PRKN: variants seen among roughly 807,000 people sequenced by gnomAD.
The protein encoded by PRKN is parkin RBR E3 ubiquitin protein ligase.
A neutral mutation model predicts 59.5 loss-of-function variants in PRKN; 56 were observed. That is an observed-to-expected ratio of 0.94 (90% CI 0.76 to 1.18). The LOEUF is 1.18. PRKN is among the 50% of genes most tolerant of loss of function. The pLI is 0.00. For synonymous variants in PRKN, 250 were observed against 222.1 expected (o/e 1.13, Z -1.12); for missense variants, 657 against 596.4 (o/e 1.10, Z -1.06).
At chr6:161,804,777 A>G (rs970313069) in intron 6 of PRKN, among the ~76,000 whole-genome samples, 1 of 152,240 alleles carries the variant, frequency 6.6e-6, no homozygotes, top group African/African-American at 2.4e-5. Context: ...ATCTTCCAGC[A>G]CTTGGAAACA....
chr6:162,339,453 G>T (rs571061419), intron 2 of PRKN, among the ~76,000 whole-genome samples: 4 of 58,152 alleles, frequency 6.9e-5, no homozygotes, highest in Non-Finnish European at 7.2e-5. Context: ...TCTGCCCGGC[G>T]GCCCCTACTG....
chr6:161,574,494 G>T (rs1397225476), intron 7 of PRKN, among the ~76,000 whole-genome samples: 1 of 152,014 alleles, frequency 6.6e-6, no homozygotes, highest in Non-Finnish European at 1.5e-5. Flanking sequence ...ATTACTTTAC[G>T]TAATGAGTAT....
intron 1 of PRKN, among the ~76,000 whole-genome samples, chr6:162,564,627 C>A (rs1445940503): frequency 3.9e-5 from 6 of 152,102 alleles, no homozygotes; most frequent in Non-Finnish European, 7.4e-5. Flanking sequence ...AAATAACATA[C>A]AATGGAGCTC....
intron 1 of PRKN, among the ~76,000 whole-genome samples, chr6:162,488,118 T>TA (rs1792641073): frequency 6.6e-6 from 1 of 150,828 alleles, no homozygotes. Context: ...CTTGTCCTGA[T>TA]AAAATCCAGA....
chr6:162,227,588 A>AT (rs1778237943), intron 3 of PRKN, among the ~76,000 whole-genome samples: 1 of 152,128 alleles, frequency 6.6e-6, no homozygotes, highest in South Asian at 2.1e-4. Flanking sequence ...TATGGTGTTG[A>AT]TTTTCACTTT....
rs2115107309 is a variant in PRKN at position 161,446,743 on chromosome 6, A to C, written c.1084-59866T>G. ...TAATTTATAACCATCCTCCCACACT[A>C]GGAATATGGAGCCAGGAATGAGGGA... On this transcript the variant is annotated intron_variant, in intron 9 of 11. Coordinates refer to ENST00000366898, the MANE Select transcript of PRKN (RefSeq NM_004562.3). The surrounding 1 kb of genome is among the most constrained non-coding windows in gnomAD (Gnocchi z 6.2). Among the ~76,000 whole-genome samples, 1 of 152,316 alleles carries C rather than the reference A, an allele frequency of 6.6e-6. No individual in the cohort carries two copies. Among genetic ancestry groups the C allele is most frequent in the Middle Eastern group, 3.4e-3 (1 of 294 alleles).
At chr6:161,710,439 C>A (rs1024155893) in intron 7 of PRKN, among the ~76,000 whole-genome samples, 1 of 152,158 alleles carries the variant, frequency 6.6e-6, no homozygotes, top group Admixed American at 6.5e-5. Context: ...CATCATAAGT[C>A]AAGGAGTATC....
intron 1 of PRKN, among the ~76,000 whole-genome samples, chr6:162,517,355 C>T (rs1286382624): frequency 2.0e-5 from 3 of 150,980 alleles, no homozygotes; most frequent in African/African-American, 7.3e-5. Context: ...TCAAGCCATT[C>T]TCTTGCCTCA....
chr6:161,689,914 T>TGGCCA (rs5881426), intron 7 of PRKN, among the ~76,000 whole-genome samples: 86,067 of 150,212 alleles, frequency 0.57, 25,968 homozygotes, highest in Non-Finnish European at 0.68. Context: ...TTCACCATGT[T>TGGCCA]GGCCAGGCTG....
rs1026771576 is a variant in PRKN at position 161,457,418 on chromosome 6, T to C, written c.1084-70541A>G. On this transcript the variant is annotated intron_variant, in intron 9 of 11. Transcript: ENST00000366898. The surrounding 1 kb of genome is among the most constrained non-coding windows in gnomAD (Gnocchi z 5.0). ...TCAAATAAAAAAGCTACTACTTTAA[T>C]AGAAATTACCTCTTCTAATTGCCCT... is the stretch of plus-strand genomic sequence containing the variant. Among the ~76,000 whole-genome samples the C allele has an allele frequency of 2.6e-5, 4 of 152,214 alleles. No individual in the cohort carries two copies. The highest frequency in any genetic ancestry group is 9.7e-5 in the African/African-American group (4 of 41,448).
At chr6:161,597,053 T>C (rs1307627910) in intron 7 of PRKN, among the ~76,000 whole-genome samples, 1 of 152,196 alleles carries the variant, frequency 6.6e-6, no homozygotes, top group African/African-American at 2.4e-5. Context: ...CACTTCCTGA[T>C]ACCTAGAGAG....
chr6:162,307,804 A>T (rs1782299873), intron 2 of PRKN, among the ~76,000 whole-genome samples: 2 of 144,578 alleles, frequency 1.4e-5, no homozygotes, highest in South Asian at 4.1e-4. Flanking sequence ...GCTAGTAATA[A>T]GAAGATGATT....
At chr6:161,827,333 C>A (rs1345278026) in intron 6 of PRKN, among the ~76,000 whole-genome samples, 2 of 152,050 alleles carry the variant, frequency 1.3e-5, no homozygotes, top group Admixed American at 1.3e-4. Context: ...AGTTTTACTG[C>A]AATTACCAGA....
chr6:161,986,018 C>T (rs1008824035), intron 5 of PRKN, among the ~76,000 whole-genome samples: 3 of 152,162 alleles, frequency 2.0e-5, no homozygotes, highest in Non-Finnish European at 4.4e-5. Context: ...CAATTATGTC[C>T]GGTGCCTAAG....
At chr6:162,154,527 A>C (rs1454696410) in intron 4 of PRKN, among the ~76,000 whole-genome samples, 1 of 142,548 alleles carries the variant, frequency 7.0e-6, no homozygotes, top group Non-Finnish European at 1.5e-5. Flanking sequence ...AAAAGGAGAA[A>C]AAAAAAAAAA....
intron 11 of PRKN, among the ~76,000 whole-genome samples, chr6:161,358,060 G>A (rs73021253): frequency 0.035 from 5,380 of 152,282 alleles, 134 homozygotes; most frequent in Non-Finnish European, 0.055. Flanking sequence ...TAGACACTTC[G>A]ATGATTTTCA....
intron 3 of PRKN, among the ~76,000 whole-genome samples, chr6:162,237,197 C>T (rs1260309576): frequency 6.6e-6 from 1 of 152,060 alleles, no homozygotes; most frequent in Non-Finnish European, 1.5e-5. Context: ...ATCACATCTC[C>T]TTTATGACTT....
At chr6:161,532,752 A>G (rs958609129) in intron 9 of PRKN, among the ~76,000 whole-genome samples, 1 of 152,102 alleles carries the variant, frequency 6.6e-6, no homozygotes, top group Non-Finnish European at 1.5e-5. Flanking sequence ...TCACTTTTTC[A>G]TGTTCACTGG....
intron 6 of PRKN, among the ~76,000 whole-genome samples, chr6:161,935,113 G>C (rs991844116): frequency 2.6e-4 from 40 of 152,106 alleles, no homozygotes; most frequent in African/African-American, 9.7e-4. Context: ...TGCCCTTTCT[G>C]CCCACCATAT....
Sources: gnomAD v4.1 joint callset for allele counts (sites outside exome capture counted in the v4.1 genomes callset) on GRCh38, gnomAD v4.1.1 for gene constraint, Gnocchi (gnomAD v3.1) non-coding constraint, MANE v1.5 for transcripts, NCBI Gene and HGNC (gene_info 2026-07-23, HGNC 2026-07-21) for gene names.